ZNF827: variants seen among roughly 807,000 people sequenced by gnomAD.
ZNF827 encodes zinc finger protein 827.
A neutral mutation model predicts 102.4 loss-of-function variants in ZNF827; 13 were observed. The ratio of observed to expected loss-of-function variants is 0.13; its 90% CI spans 0.08 to 0.20. ZNF827 has a LOEUF of 0.20. Ranked by LOEUF, ZNF827 falls within the 10% of genes least tolerant of loss-of-function variation. ZNF827 has a pLI of 1.00. For synonymous variants in ZNF827, 523 were observed against 536.2 expected, an observed-to-expected ratio of 0.98 and a Z score of 0.34; for missense variants, 1,103 against 1,344.4, an observed-to-expected ratio of 0.82 and a Z score of 2.81.
intron 4 of ZNF827, among the ~76,000 whole-genome samples, chr4:145,879,709 C>T (rs1160347965): frequency 1.3e-5 from 2 of 152,222 alleles, no homozygotes; most frequent in African/African-American, 4.8e-5. Context: ...CCTACTCTTA[C>T]TGCTCTATTT....
intron 4 of ZNF827, among the ~76,000 whole-genome samples, chr4:145,880,116 T>C (rs61085930): frequency 0.016 from 2,364 of 152,318 alleles, 56 homozygotes; most frequent in African/African-American, 0.054. Flanking sequence ...GTACCTTTAG[T>C]CCCAGCTACT....
intron 7 of ZNF827, among the ~76,000 whole-genome samples, chr4:145,824,389 A>G (rs184840497): frequency 6.6e-6 from 1 of 152,342 alleles, no homozygotes; most frequent in East Asian, 1.9e-4. Flanking sequence ...TAGAAAATGG[A>G]AAGCCCTATT....
chr4:145,842,159 T>C (rs1745482433), intron 7 of ZNF827, among the ~76,000 whole-genome samples: 1 of 152,166 alleles, frequency 6.6e-6, no homozygotes, highest in South Asian at 2.1e-4. Flanking sequence ...AGAAACTTGG[T>C]AGTTATTAGT....
chr4:145,819,118 T>A (rs77745720), intron 8 of ZNF827, among the ~76,000 whole-genome samples: 3 of 151,678 alleles, frequency 2.0e-5, no homozygotes, highest in Admixed American at 6.6e-5. Context: ...TTTTTTTTTT[T>A]AAATGCAAGT....
At chr4:145,785,927 A>G (rs1370678174) in intron 8 of ZNF827, among the ~76,000 whole-genome samples, 1 of 152,274 alleles carries the variant, frequency 6.6e-6, no homozygotes, top group Non-Finnish European at 1.5e-5. Flanking sequence ...TATTAAAAGT[A>G]TAAGCCTAGA....
chr4:145,917,856 C>G (rs1752781634), intron 1 of ZNF827, among the ~76,000 whole-genome samples: 1 of 151,816 alleles, frequency 6.6e-6, no homozygotes, highest in African/African-American at 2.4e-5. Context: ...TGAATAAAAA[C>G]ACCACTTCTT....
chr4:145,843,593 C>T (rs779657475), intron 7 of ZNF827, among the ~76,000 whole-genome samples: 7 of 152,128 alleles, frequency 4.6e-5, no homozygotes, highest in Non-Finnish European at 8.8e-5. Flanking sequence ...TATGGTCTTG[C>T]AGCACATCTT....
Position 145,759,274 on chromosome 4 carries a change from GA to G in ZNF827, c.*2341del, listed in dbSNP as rs1377599627. The G allele has an allele frequency of 6.6e-6, 1 of 152,132 alleles. No homozygotes were observed. The allele number at this position is 152,132 out of a possible 1,614,324, so 9.4% of individuals were successfully genotyped here. ...CAAGCAATGAACATATTCAGCCAAA[GA>G]TTTTTTTCCTTTTTTCTTTTTAAAT... is the stretch of plus-strand genomic sequence containing the variant. On this transcript the variant is annotated 3_prime_UTR_variant, in exon 15 of 15. Coordinates refer to ENST00000508784, the MANE Select transcript of ZNF827 (RefSeq NM_001306215.2).
chr4:145,805,365 G>T (rs1398034373), intron 8 of ZNF827, among the ~76,000 whole-genome samples: 1 of 151,740 alleles, frequency 6.6e-6, no homozygotes, highest in Non-Finnish European at 1.5e-5. Context: ...ATTTTTAACT[G>T]ATTAGGAAAA....
intron 1 of ZNF827, among the ~76,000 whole-genome samples, chr4:145,915,276 C>T (rs997456379): frequency 1.3e-5 from 2 of 152,054 alleles, no homozygotes; most frequent in Non-Finnish European, 2.9e-5. Flanking sequence ...GGAGAAATCC[C>T]GTCTCTACTA....
intron 1 of ZNF827, among the ~76,000 whole-genome samples, chr4:145,907,415 T>A (rs530548411): frequency 6.6e-6 from 1 of 152,226 alleles, no homozygotes; most frequent in South Asian, 2.1e-4. Flanking sequence ...AGCATTTTTT[T>A]AAATCTAGAA....
intron 4 of ZNF827, 190 bp from the exon 5 acceptor site, chr4:145,870,668 G>GA (rs1485990028): frequency 1.1e-5 from 6 of 546,024 alleles, no homozygotes; most frequent in Non-Finnish European, 1.9e-5. Context: ...CAACTCTGAG[G>GA]AGTGTGGGCT....
At chr4:145,828,146 C>T (rs965669992) in intron 7 of ZNF827, among the ~76,000 whole-genome samples, 3 of 152,174 alleles carry the variant, frequency 2.0e-5, no homozygotes, top group Admixed American at 6.5e-5. Context: ...GACTTTACGA[C>T]GTGCCCCGAA....
Position 145,760,933 on chromosome 4 carries a change from G to C in ZNF827, c.*683C>G. ...TAACATTGTCAAGGGAATGAGATGG[G>C]CAAAATCTGAGTTCCGGTACTTGTC... is the stretch of plus-strand genomic sequence containing the variant. On this transcript the variant is annotated 3_prime_UTR_variant, in exon 15 of 15. Transcript: ENST00000508784. 2 of 1,232,084 alleles carry C rather than the reference G, an allele frequency of 1.6e-6. No homozygotes were observed. Among genetic ancestry groups the C allele is most frequent in the Non-Finnish European group, 2.1e-6 (2 of 962,308 alleles). The allele number at this position is 1,232,084 out of a possible 1,614,324, so 76.3% of individuals were successfully genotyped here.
chr4:145,804,046 T>C (rs1428642430), intron 8 of ZNF827, among the ~76,000 whole-genome samples: 2 of 152,242 alleles, frequency 1.3e-5, no homozygotes, highest in African/African-American at 4.8e-5. Context: ...TAAAGTCTCT[T>C]CGGTGGAAAT....
intron 8 of ZNF827, 72 bp from the exon 9 acceptor site, chr4:145,779,583 G>T: frequency 1.3e-6 from 2 of 1,554,504 alleles, no homozygotes; most frequent in South Asian, 2.5e-5. Context: ...CAACATTCAG[G>T]ATTTCAGCAG....
intron 1 of ZNF827, chr4:145,907,237 T>G (rs143811637): frequency 2.2e-6 from 1 of 456,060 alleles, no homozygotes; most frequent in Non-Finnish European, 4.4e-6. Context: ...GGCTCCTCTA[T>G]TTTCATGTCC....
intron 3 of ZNF827, among the ~76,000 whole-genome samples, chr4:145,889,095 T>C (rs1478570554): frequency 6.6e-6 from 1 of 152,238 alleles, no homozygotes; most frequent in East Asian, 1.9e-4. Context: ...TTTATCATTC[T>C]TGGTGATGGG....
chr4:145,934,258 T>C (rs968286413), intron 1 of ZNF827, among the ~76,000 whole-genome samples: 1 of 152,210 alleles, frequency 6.6e-6, no homozygotes, highest in Admixed American at 6.5e-5. Flanking sequence ...AGGACTTCTT[T>C]TGATTTATAG....
Sources: gnomAD v4.1 joint callset for allele counts (sites outside exome capture counted in the v4.1 genomes callset) on GRCh38, gnomAD v4.1.1 for gene constraint, MANE v1.5 for transcripts, NCBI Gene and HGNC (gene_info 2026-07-23, HGNC 2026-07-21) for gene names.